TSPAN7: variants seen among roughly 807,000 people sequenced by gnomAD.
The protein encoded by TSPAN7 is tetraspanin 7.
A neutral mutation model predicts 17.6 loss-of-function variants in TSPAN7; 1 was observed. The observed-to-expected ratio is 0.06, with a 90% CI of 0.02 to 0.27. The LOEUF is 0.27. TSPAN7 is among the 10% of genes least tolerant of loss of function. The pLI, the probability that TSPAN7 is intolerant of heterozygous loss-of-function variation, is 1.00. For synonymous variants in TSPAN7, 78 were observed against 79.0 expected (o/e 0.99, Z 0.07); for missense variants, 112 against 201.7 (o/e 0.56, Z 2.69).
chrX:38,603,867 A>T (rs112157689), intron 1 of TSPAN7, among the ~76,000 whole-genome samples: 8 of 104,220 alleles, frequency 7.7e-5, no homozygotes, highest in Non-Finnish European at 1.6e-4. Context: ...TTATTTATTT[A>T]TTTTTTATTT....
chrX:38,616,770 A>G (rs779036923), intron 1 of TSPAN7, among the ~76,000 whole-genome samples: 1 of 111,327 alleles, frequency 9.0e-6, no homozygotes, highest in East Asian at 2.8e-4. Flanking sequence ...CTCTTGCTAC[A>G]CAAAGTGTAT....
At chrX:38,584,273 A>C (rs1485510642) in intron 1 of TSPAN7, among the ~76,000 whole-genome samples, 3 of 110,742 alleles carry the variant, frequency 2.7e-5, no homozygotes, top group Admixed American at 9.6e-5. Flanking sequence ...TTTTTAAGGG[A>C]GATATATAAA....
intron 1 of TSPAN7, among the ~76,000 whole-genome samples, chrX:38,602,661 T>C (rs1189489437): frequency 8.9e-6 from 1 of 112,082 alleles, no homozygotes; most frequent in East Asian, 2.8e-4. Context: ...TCTTTGCACT[T>C]ACATAATATA....
intron 1 of TSPAN7, 92 bp from the exon 2 acceptor site, chrX:38,666,029 G>A (rs753851392): frequency 1.3e-4 from 113 of 885,521 alleles, no homozygotes; most frequent in Non-Finnish European, 1.7e-4. Flanking sequence ...TCTTATTCAC[G>A]GAAACTTGAG....
At chrX:38,649,308 G>A (rs1161944204) in intron 1 of TSPAN7, among the ~76,000 whole-genome samples, 1 of 112,082 alleles carries the variant, frequency 8.9e-6, no homozygotes, top group Non-Finnish European at 1.9e-5. Context: ...AAGAGGTGTG[G>A]TGAGAGGCTC....
At chrX:38,670,681 C>A (rs1427524316) in intron 2 of TSPAN7, among the ~76,000 whole-genome samples, 1 of 112,314 alleles carries the variant, frequency 8.9e-6, no homozygotes, top group Non-Finnish European at 1.9e-5. Flanking sequence ...CCAAATGAAG[C>A]AGTTTTGTAA....
In TSPAN7 at chrX:38,564,499, T is replaced by A. The variant is rs987240697; in HGVS notation, c.81+2872T>A. 2.7e-5 allele frequency among the ~76,000 whole-genome samples: 3 copies of A among 112,227 alleles called. No homozygotes were observed. In the East Asian group the frequency reaches 8.3e-4, roughly 31 times the overall value. The stretch of plus-strand genomic sequence containing the variant: ...CATGTCTTCATTTCTATTGGGTATG[T>A]ACCTGGGAGTTGAATTGCTAGGTCA... On this transcript the variant is annotated intron_variant, in intron 1 of 7. Transcript: ENST00000378482.
At chrX:38,671,499 G>A in intron 3 of TSPAN7, 49 bp downstream of exon 3, 1 of 1,125,892 alleles carries the variant, frequency 8.9e-7, no homozygotes, top group African/African-American at 1.8e-5. Context: ...TTTGGGAGGA[G>A]GATTCTTGAA....
chrX:38,675,652 G>A, intron 4 of TSPAN7, 53 bp from the exon 5 acceptor site: 14 of 1,196,104 alleles, frequency 1.2e-5, no homozygotes, highest in Non-Finnish European at 1.6e-5. Context: ...AGTGATTGAG[G>A]AGACCACATT....
chrX:38,672,671 T>C lies in TSPAN7; in HGVS notation c.345+1221T>C, dbSNP rs188373217. Among the ~76,000 whole-genome samples, 351 of 110,539 alleles carry C rather than the reference T, an allele frequency of 3.2e-3. 3 individuals are homozygous for C. Among genetic ancestry groups the C allele is most frequent in the African/African-American group, 0.011 (330 of 30,330 alleles). On this transcript the variant is annotated intron_variant, in intron 3 of 7. Coordinates refer to ENST00000378482, the MANE Select transcript of TSPAN7 (RefSeq NM_004615.4). ...TGAGCCTCTTGTTTGTTGCTGGGAG[T>C]GCGCTCTGTGGAGAGGTTTTTCTCT...
intron 2 of TSPAN7, among the ~76,000 whole-genome samples, chrX:38,670,752 A>C (rs984967193): frequency 8.9e-6 from 1 of 112,708 alleles, no homozygotes; most frequent in African/African-American, 3.2e-5. Context: ...GCAGGTTCTC[A>C]TCCTGGCCGT....
At chrX:38,571,519 G>A (rs1214720972) in intron 1 of TSPAN7, among the ~76,000 whole-genome samples, 1 of 110,981 alleles carries the variant, frequency 9.0e-6, no homozygotes, top group African/African-American at 3.3e-5. Flanking sequence ...ACCTAGTACT[G>A]GCAATATTAA....
At chrX:38,636,761 C>T (rs996118027) in intron 1 of TSPAN7, among the ~76,000 whole-genome samples, 8 of 110,555 alleles carry the variant, frequency 7.2e-5, no homozygotes, top group Admixed American at 1.9e-4. Flanking sequence ...CTGCAACCTC[C>T]GCCTCCCGGG....
At chrX:38,588,439 C>G (rs1408500130) in intron 1 of TSPAN7, among the ~76,000 whole-genome samples, 1 of 111,469 alleles carries the variant, frequency 9.0e-6, no homozygotes, top group Non-Finnish European at 1.9e-5. Context: ...AAACTATCAA[C>G]AGTGCTGAAA....
At chrX:38,686,056 A>G (rs1357904540) in intron 6 of TSPAN7, among the ~76,000 whole-genome samples, 2 of 112,355 alleles carry the variant, frequency 1.8e-5, no homozygotes, top group Non-Finnish European at 3.8e-5. Flanking sequence ...TTACACTCAT[A>G]TTTTAGTTTC....
intron 4 of TSPAN7, 106 bp from the exon 5 acceptor site, chrX:38,675,599 C>T: frequency 1.0e-6 from 1 of 986,784 alleles, no homozygotes; most frequent in Non-Finnish European, 1.4e-6. Flanking sequence ...CACATGTTGT[C>T]TTAGGGCTTT....
chrX:38,674,126 T>G (rs1383852359), intron 3 of TSPAN7, 95 bp from the exon 4 acceptor site: 3 of 677,851 alleles, frequency 4.4e-6, no homozygotes. Context: ...TACAGAGACT[T>G]TCAGAAGAGG....
At chrX:38,642,200 G>C (rs1409231128) in intron 1 of TSPAN7, among the ~76,000 whole-genome samples, 1 of 111,858 alleles carries the variant, frequency 8.9e-6, no homozygotes, top group African/African-American at 3.3e-5. Context: ...TGATTAAATT[G>C]AGCAGCTGTG....
At chrX:38,565,395 A>T (rs982909297) in intron 1 of TSPAN7, among the ~76,000 whole-genome samples, 1 of 110,818 alleles carries the variant, frequency 9.0e-6, no homozygotes, top group African/African-American at 3.3e-5. Context: ...ACGCCCGGCT[A>T]ATTTTTGTAT....
Sources: allele counts gnomAD v4.1 joint callset (sites outside exome capture counted in the v4.1 genomes callset), GRCh38; gene constraint gnomAD v4.1.1; transcripts MANE v1.5; gene names NCBI Gene and HGNC (gene_info 2026-07-23, HGNC 2026-07-21).